The following TRPM1 variants were observed in gnomAD, a reference collection of about 807,000 sequenced individuals.
TRPM1 encodes TRPM1-203 APA Isoform, Intron 10.
TRPM1 carries 113 observed loss-of-function variants against 149.4 expected under a neutral mutation model. The observed-to-expected ratio is 0.76, with a 90% CI of 0.65 to 0.88. The LOEUF (loss-of-function observed/expected upper bound fraction) is 0.88, where lower values mean the gene tolerates loss of function less well. Ranked by LOEUF, TRPM1 falls within the 40% of genes least tolerant of loss-of-function variation. TRPM1 has a pLI of 0.00. For missense variants in TRPM1, 1,976 were observed against 2,038.7 expected, an observed-to-expected ratio of 0.97 and a Z score of 0.59; for synonymous variants, 741 against 759.5, an observed-to-expected ratio of 0.98 and a Z score of 0.40.
chr15:31,009,098 C>T (rs1341845674), intron 27 of TRPM1, among the ~76,000 whole-genome samples: 2 of 152,056 alleles, frequency 1.3e-5, no homozygotes, highest in East Asian at 3.9e-4. Flanking sequence ...AATTGGTCTG[C>T]TAGCAATGAA....
In TRPM1 at chr15:31,026,853, T is replaced by C. The variant is rs2032784968; in HGVS notation, c.3496+62A>G. 4 of 1,541,930 alleles carry C rather than the reference T, an allele frequency of 2.6e-6. No homozygotes were observed. The Admixed American group carries it at 5.0e-5, about 19-fold the overall frequency. ...TAGTTGAGTGAGATTTCTGTGAGGA[T>C]GTCCAATTTGAACACTATTTTGAAA... is the stretch of plus-strand genomic sequence containing the variant. On this transcript the variant is annotated intron_variant, in intron 26 of 27. Transcript: ENST00000256552.
Position 31,047,035 on chromosome 15 carries a change from C to T in TRPM1, c.1764+76G>A, listed in dbSNP as rs1380255823. The stretch of plus-strand genomic sequence containing the variant: ...GCGAAGGGCTTGGCTCTGAACCGGC[C>T]AAGTTGTTGAAAAGCAAGCGAGGAA... On this transcript the variant is annotated intron_variant, in intron 15 of 27. Coordinates refer to ENST00000256552, the MANE Select transcript of TRPM1 (RefSeq NM_001252024.2). The T allele has an allele frequency of 2.2e-5, 36 of 1,603,622 alleles. No homozygotes were observed. The East Asian group carries it at 7.8e-4, about 35-fold the overall frequency.
At chr15:31,088,379 A>G (rs1417123857) in intron 1 of TRPM1, among the ~76,000 whole-genome samples, 1 of 152,182 alleles carries the variant, frequency 6.6e-6, no homozygotes, top group African/African-American at 2.4e-5. Flanking sequence ...CTCCCTTGGC[A>G]ATAAATGTTA....
intron 1 of TRPM1, among the ~76,000 whole-genome samples, chr15:31,135,597 T>A (rs2036077413): frequency 6.6e-6 from 1 of 152,060 alleles, no homozygotes; most frequent in African/African-American, 2.4e-5. Flanking sequence ...ATGCTGTAAT[T>A]TTATCTCCAG....
intron 1 of TRPM1, among the ~76,000 whole-genome samples, chr15:31,145,424 C>T (rs558003100): frequency 9.2e-5 from 14 of 152,232 alleles, no homozygotes; most frequent in Middle Eastern, 3.4e-3. Flanking sequence ...TTTCACAATC[C>T]GTATCTTCTG....
intron 27 of TRPM1, among the ~76,000 whole-genome samples, chr15:31,014,526 A>G (rs2032291434): frequency 6.6e-6 from 1 of 152,224 alleles, no homozygotes; most frequent in Non-Finnish European, 1.5e-5. Flanking sequence ...TTTTCTTATC[A>G]AGATCCAGCC....
chr15:31,101,760 C>T, upstream of TRPM1: 1 of 980,466 alleles, frequency 1.0e-6, no homozygotes, highest in Non-Finnish European at 1.2e-6. Flanking sequence ...TTAAGAGGAG[C>T]AGTCCCCATG....
At chr15:31,009,183 A>AT (rs1192681986) in intron 27 of TRPM1, among the ~76,000 whole-genome samples, 1 of 150,600 alleles carries the variant, frequency 6.6e-6, no homozygotes, top group East Asian at 2.0e-4. Flanking sequence ...TGGGTTGATC[A>AT]TTTTTTTCTT....
intron 18 of TRPM1, among the ~76,000 whole-genome samples, chr15:31,038,712 AAAAATAAAAT>A (rs555316357): frequency 4.6e-5 from 7 of 152,138 alleles, no homozygotes; most frequent in African/African-American, 7.2e-5. Context: ...ACCCTGTCTC[AAAAATAAAAT>A]AAAATAAAAT....
intron 1 of TRPM1, among the ~76,000 whole-genome samples, chr15:31,082,793 T>C (rs1448504744): frequency 6.6e-6 from 1 of 152,222 alleles, no homozygotes; most frequent in Non-Finnish European, 1.5e-5. Flanking sequence ...GTCATGTTAT[T>C]CTCTGGGCAT....
At chr15:31,091,293 A>G (rs2035230921) in intron 1 of TRPM1, among the ~76,000 whole-genome samples, 1 of 152,220 alleles carries the variant, frequency 6.6e-6, no homozygotes, top group Non-Finnish European at 1.5e-5. Flanking sequence ...CTGGACGTAA[A>G]TCTTGGTTTG....
chr15:31,153,926 G>C (rs2036335408), intron 1 of TRPM1, among the ~76,000 whole-genome samples: 1 of 152,236 alleles, frequency 6.6e-6, no homozygotes, highest in Non-Finnish European at 1.5e-5. Context: ...GAGAGGACCA[G>C]AGTCCTGCTT....
upstream of TRPM1, among the ~76,000 whole-genome samples, chr15:31,105,991 T>C (rs149270260): frequency 6.6e-6 from 1 of 152,350 alleles, no homozygotes; most frequent in East Asian, 1.9e-4. Context: ...AGGAATTAGT[T>C]TTTAAATATA....
chr15:31,001,759 G>A lies in TRPM1; in HGVS notation c.*63C>T. 6.5e-7 allele frequency: 1 copy of A among 1,541,782 alleles called. No individual in the cohort carries two copies. The highest frequency in any genetic ancestry group is 1.2e-5 in the South Asian group (1 of 83,792). The stretch of plus-strand genomic sequence containing the variant: ...TTTAGAAATTGATGATGTTTAGATG[G>A]CCAAGATGACACCCATTAGTGGTTC... On this transcript the variant is annotated 3_prime_UTR_variant, in exon 28 of 28. Coordinates refer to ENST00000256552, the MANE Select transcript of TRPM1 (RefSeq NM_001252024.2).
In TRPM1 at chr15:31,031,857, A is replaced by G. The variant is rs371207591; in HGVS notation, c.2953-700T>C. 3.3e-5 allele frequency among the ~76,000 whole-genome samples: 5 copies of G among 152,294 alleles called. No homozygotes were observed. The East Asian group carries it at 9.6e-4, about 29-fold the overall frequency. ...TCTGGCCTGTTCTGGAGTATAAGTC[A>G]TCATGGTCTAATCACATGGACTTCC... On this transcript the variant is annotated intron_variant, in intron 22 of 27. Coordinates refer to ENST00000256552, the MANE Select transcript of TRPM1 (RefSeq NM_001252024.2).
At chr15:31,101,300 C>A (rs150405891) in intron 1 of TRPM1, among the ~76,000 whole-genome samples, 3 of 152,218 alleles carry the variant, frequency 2.0e-5, no homozygotes, top group Non-Finnish European at 4.4e-5. Context: ...GTTTCAGCCT[C>A]TTTGAGACCA....
intron 17 of TRPM1, among the ~76,000 whole-genome samples, chr15:31,041,009 C>T (rs1251551392): frequency 1.3e-5 from 2 of 152,040 alleles, no homozygotes; most frequent in Non-Finnish European, 2.9e-5. Context: ...GGCCAGAGGG[C>T]GTCTAATGAC....
intron 11 of TRPM1, among the ~76,000 whole-genome samples, chr15:31,058,591 A>C (rs748842747): frequency 2.0e-5 from 3 of 152,222 alleles, no homozygotes; most frequent in African/African-American, 4.8e-5. Context: ...TCAATGATTA[A>C]AGAAGGATAT....
At chr15:31,041,581 C>CAGTCCAGGTCA (rs1226931142) in intron 17 of TRPM1, among the ~76,000 whole-genome samples, 3 of 152,174 alleles carry the variant, frequency 2.0e-5, no homozygotes, top group Admixed American at 2.0e-4. Flanking sequence ...ATCAGAAACA[C>CAGTCCAGGTCA]CTGTGAAGGT....
Sources: gnomAD v4.1 joint callset for allele counts (sites outside exome capture counted in the v4.1 genomes callset) on GRCh38, gnomAD v4.1.1 for gene constraint, MANE v1.5 for transcripts, NCBI Gene and HGNC (gene_info 2026-07-23, HGNC 2026-07-21) for gene names.